Variants in TAOK3 observed in about 807,000 individuals in gnomAD.
TAOK3 encodes TAO kinase 3, also known as serine/threonine-protein kinase TAO3.
TAOK3 carries 40 observed loss-of-function variants against 120.4 expected under a neutral mutation model. The observed-to-expected ratio is 0.33, with a 90% CI of 0.26 to 0.43. The LOEUF (loss-of-function observed/expected upper bound fraction) is 0.43, where lower values mean the gene tolerates loss of function less well. Ranked by LOEUF, TAOK3 falls within the 20% of genes least tolerant of loss-of-function variation. The pLI, the probability that TAOK3 is intolerant of heterozygous loss-of-function variation, is 1.00. For synonymous variants in TAOK3, 355 were observed against 387.5 expected (o/e 0.92, Z 0.99); for missense variants, 821 against 1,112.1 (o/e 0.74, Z 3.72).
intron 9 of TAOK3, among the ~76,000 whole-genome samples, chr12:118,225,110 T>C (rs1203133418): frequency 6.7e-6 from 1 of 149,972 alleles, no homozygotes; most frequent in Non-Finnish European, 1.5e-5. Flanking sequence ...TAGCCGGGAG[T>C]GGTGGTGGGT....
intron 13 of TAOK3, among the ~76,000 whole-genome samples, chr12:118,193,700 C>T (rs532938871): frequency 4.6e-5 from 7 of 152,284 alleles, no homozygotes; most frequent in Middle Eastern, 6.8e-3. Context: ...CCACCCACCC[C>T]GGCCTTCCAA....
chr12:118,160,487 A>G lies in TAOK3; in HGVS notation c.2140-129T>C. 1.4e-6 allele frequency: 1 copy of G among 720,772 alleles called. No individual in the cohort carries two copies. The highest frequency in any genetic ancestry group is 2.3e-6 in the Non-Finnish European group (1 of 434,586). 44.6% of individuals were successfully genotyped at this position (720,772 alleles called of 1,614,324 possible). Reference sequence around the variant, plus strand: ...GGTGCAGTGACTCACATTGCTAATCAATAAAAATCAAGCAGTATGTATGAC... The same window carrying G: ...GGTGCAGTGACTCACATTGCTAATCGATAAAAATCAAGCAGTATGTATGAC... On this transcript the variant is annotated intron_variant, in intron 18 of 20. Transcript: ENST00000392533. This position sits in a 1 kb window ranked among gnomAD's most constrained non-coding sequence, Gnocchi z 4.2.
chr12:118,174,624 C>T (rs764557336), intron 16 of TAOK3, among the ~76,000 whole-genome samples: 7 of 151,892 alleles, frequency 4.6e-5, no homozygotes, highest in African/African-American at 7.3e-5. Flanking sequence ...GATGAGTGGA[C>T]GCGTGGAGTT....
At chr12:118,193,185 C>T (rs1565927931) in intron 13 of TAOK3, among the ~76,000 whole-genome samples, 1 of 150,558 alleles carries the variant, frequency 6.6e-6, no homozygotes, top group South Asian at 2.1e-4. Context: ...GTAGCTGGGA[C>T]TACAGGTGCG....
At chr12:118,245,237 T>C (rs2040438557) in intron 3 of TAOK3, among the ~76,000 whole-genome samples, 1 of 152,018 alleles carries the variant, frequency 6.6e-6, no homozygotes, top group Non-Finnish European at 1.5e-5. Context: ...GGTTCCACCA[T>C]GTTGACCAGG....
At chr12:118,224,260 C>G (rs1044565177) in intron 9 of TAOK3, among the ~76,000 whole-genome samples, 2 of 152,192 alleles carry the variant, frequency 1.3e-5, no homozygotes, top group Admixed American at 6.5e-5. Context: ...TAACTCTGTA[C>G]ATTTTAAGGT....
chr12:118,364,594 A>G (rs987290879), intron 1 of TAOK3, among the ~76,000 whole-genome samples: 1 of 152,202 alleles, frequency 6.6e-6, no homozygotes, highest in African/African-American at 2.4e-5. Flanking sequence ...CACACACACA[A>G]TATGAAATTG....
At chr12:118,299,218 T>C (rs2042786201) in intron 1 of TAOK3, among the ~76,000 whole-genome samples, 1 of 152,198 alleles carries the variant, frequency 6.6e-6, no homozygotes, top group Non-Finnish European at 1.5e-5. Flanking sequence ...ACACAAAATA[T>C]TAAAATCTTC....
At chr12:118,239,752 T>A (rs576222898) in intron 5 of TAOK3, among the ~76,000 whole-genome samples, 34 of 152,314 alleles carry the variant, frequency 2.2e-4, no homozygotes, top group Admixed American at 1.0e-3. Context: ...GAAACAGATA[T>A]TGTTTTGAAC....
chr12:118,365,744 CT>C (rs1235463843), intron 1 of TAOK3, among the ~76,000 whole-genome samples: 6 of 152,200 alleles, frequency 3.9e-5, no homozygotes, highest in Non-Finnish European at 8.8e-5. Context: ...AAACCCATCT[CT>C]GTCCTCACAA....
intron 1 of TAOK3, among the ~76,000 whole-genome samples, chr12:118,335,368 A>G (rs2044324731): frequency 6.6e-6 from 1 of 152,162 alleles, no homozygotes; most frequent in Admixed American, 6.5e-5. Context: ...CACAAATTTG[A>G]CAACTTAGAA....
At chr12:118,342,935 T>TA (rs760467619) in intron 1 of TAOK3, among the ~76,000 whole-genome samples, 2,028 of 59,522 alleles carry the variant, frequency 0.034, 83 homozygotes, top group East Asian at 0.083. Flanking sequence ...CTCTGTCTGC[T>TA]AAAAAAAAAA....
intron 1 of TAOK3, among the ~76,000 whole-genome samples, chr12:118,348,253 A>G (rs1038060438): frequency 2.6e-5 from 4 of 152,130 alleles, no homozygotes; most frequent in Admixed American, 6.5e-5. Flanking sequence ...ATGTCATTCT[A>G]TTTTGCCTTT....
At chr12:118,320,056 T>C (rs891548138) in intron 1 of TAOK3, among the ~76,000 whole-genome samples, 1 of 152,196 alleles carries the variant, frequency 6.6e-6, no homozygotes, top group African/African-American at 2.4e-5. Flanking sequence ...TGTTACAGCA[T>C]GGATGAACCA....
At chr12:118,335,194 A>G (rs1052190790) in intron 1 of TAOK3, among the ~76,000 whole-genome samples, 31 of 152,144 alleles carry the variant, frequency 2.0e-4, no homozygotes, top group African/African-American at 7.2e-4. Flanking sequence ...CAAAAAAAAA[A>G]AAAAAAATCT....
chr12:118,335,565 C>G (rs1026390576), intron 1 of TAOK3, among the ~76,000 whole-genome samples: 1 of 152,152 alleles, frequency 6.6e-6, no homozygotes, highest in Non-Finnish European at 1.5e-5. Context: ...CATGGTGTCT[C>G]ACGCCTGTAA....
intron 17 of TAOK3, among the ~76,000 whole-genome samples, chr12:118,164,954 G>A (rs2035487169): frequency 6.6e-6 from 1 of 152,114 alleles, no homozygotes; most frequent in Non-Finnish European, 1.5e-5. Context: ...CATTCAACAA[G>A]TAGTTATTGA....
chr12:118,339,445 T>C (rs1278792071), intron 1 of TAOK3, among the ~76,000 whole-genome samples: 6 of 151,964 alleles, frequency 3.9e-5, no homozygotes, highest in Non-Finnish European at 8.8e-5. Context: ...TACACTGCGT[T>C]AATGGAAGTT....
chr12:118,236,871 A>G (rs1006781108), intron 7 of TAOK3, among the ~76,000 whole-genome samples: 24 of 152,178 alleles, frequency 1.6e-4, no homozygotes, highest in Non-Finnish European at 3.2e-4. Context: ...TCAACAAATT[A>G]TTTTACATAC....
Sources: allele counts gnomAD v4.1 joint callset (sites outside exome capture counted in the v4.1 genomes callset), GRCh38; gene constraint gnomAD v4.1.1; non-coding constraint Gnocchi (gnomAD v3.1); transcripts MANE v1.5; gene names NCBI Gene and HGNC (gene_info 2026-07-23, HGNC 2026-07-21).